Variants in SOCS4 observed in about 807,000 individuals in gnomAD.
SOCS4 encodes the protein suppressor of cytokine signaling 4.
SOCS4 carries 20 observed loss-of-function variants against 34.1 expected under a neutral mutation model. The ratio of observed to expected loss-of-function variants is 0.59; its 90% CI spans 0.41 to 0.85. SOCS4 has a LOEUF of 0.85. Ranked by LOEUF, SOCS4 falls within the 40% of genes least tolerant of loss-of-function variation. The pLI, the probability that SOCS4 is intolerant of heterozygous loss-of-function variation, is 0.00. For synonymous variants in SOCS4, 180 were observed against 186.4 expected (o/e 0.97, Z 0.28); for missense variants, 479 against 532.4 (o/e 0.90, Z 0.99).
rs755343929 is a variant in SOCS4 at position 55,048,381 on chromosome 14, T to C, written c.*4017T>C. The C allele has an allele frequency of 6.0e-6, 1 of 167,040 alleles. No homozygotes were observed. The highest frequency in any genetic ancestry group is 1.5e-5 in the Non-Finnish European group (1 of 68,126). 10.3% of individuals were successfully genotyped at this position (167,040 alleles called of 1,614,324 possible). A position where few individuals can be genotyped will look rare whatever the true frequency, so the allele number is the denominator to read the frequency against. On this transcript the variant is annotated 3_prime_UTR_variant, in exon 3 of 3. Transcript: ENST00000555846. ...CCTGGAGACAACACAAGGAAAACAA[T>C]GTTTAAAAGCAAAATAGCCTGTGTA... is the stretch of plus-strand genomic sequence containing the variant.
At chr14:55,031,619 T>A (rs1376838562) in intron 1 of SOCS4, among the ~76,000 whole-genome samples, 2 of 152,012 alleles carry the variant, frequency 1.3e-5, no homozygotes, top group Non-Finnish European at 1.5e-5. Context: ...TAGGAAAGCA[T>A]GGAAAAAGTG....
At chr14:55,035,112 C>T (rs952830556) in intron 2 of SOCS4, among the ~76,000 whole-genome samples, 16 of 152,272 alleles carry the variant, frequency 1.1e-4, no homozygotes, top group Admixed American at 4.6e-4. Flanking sequence ...CCACCCACCT[C>T]GGCCTCCCAA....
chr14:55,038,968 G>C (rs2042595433), intron 2 of SOCS4, among the ~76,000 whole-genome samples: 1 of 152,156 alleles, frequency 6.6e-6, no homozygotes. Flanking sequence ...ATAGATATCT[G>C]TTCATTTCAT....
chr14:55,049,316 ACT>A lies in SOCS4; in HGVS notation c.*4956_*4957del, dbSNP rs2042704790. On this transcript the variant is annotated 3_prime_UTR_variant, in exon 3 of 3. Coordinates refer to ENST00000555846, the MANE Select transcript of SOCS4 (RefSeq NM_199421.2). ...AATATACAGTTTTCACAAAGCTATT[ACT>A]CTCATCAGTCAGGCTTGTATGATCT... 1 of 167,010 alleles carries A rather than the reference ACT, an allele frequency of 6.0e-6. No homozygotes were observed. The highest frequency in any genetic ancestry group is 1.5e-5 in the Non-Finnish European group (1 of 68,106). 10.3% of individuals were successfully genotyped at this position (167,010 alleles called of 1,614,324 possible).
chr14:55,043,849 T>C lies in SOCS4; in HGVS notation c.808T>C (p.Tyr270His). The C allele has an allele frequency of 6.2e-7, 1 of 1,614,186 alleles. No homozygotes were observed. The highest frequency in any genetic ancestry group is 8.5e-7 in the Non-Finnish European group (1 of 1,180,020). Residue 270 changes from tyrosine to histidine, a missense_variant, in exon 3 of 3, where the codon TAT becomes CAT. Coordinates refer to ENST00000555846, the MANE Select transcript of SOCS4 (RefSeq NM_199421.2). ...TPPKYHTQID[Y>H]VHCLVPDLLQ... ...TCCTAAATACCACACGCAGATTGAT[T>C]ATGTCCACTGTCTTGTACCAGACCT...
In SOCS4 at chr14:55,046,411, T is replaced by C. The variant is rs2042676776; in HGVS notation, c.*2047T>C. ...AAATATTTTTCTTTTAAAAATAACTTTTTATCAGTACAGAAAAACCTAAGG... is the reference window on the plus strand; with the variant it reads ...AAATATTTTTCTTTTAAAAATAACTCTTTATCAGTACAGAAAAACCTAAGG... On this transcript the variant is annotated 3_prime_UTR_variant, in exon 3 of 3. Coordinates refer to ENST00000555846, the MANE Select transcript of SOCS4 (RefSeq NM_199421.2). 6.0e-6 allele frequency: 1 copy of C among 166,964 alleles called. No individual in the cohort carries two copies. Among genetic ancestry groups the C allele is most frequent in the Non-Finnish European group, 1.5e-5 (1 of 68,024 alleles). The allele number at this position is 166,964 out of a possible 1,614,324, so 10.3% of individuals were successfully genotyped here.
intron 2 of SOCS4, among the ~76,000 whole-genome samples, chr14:55,037,071 C>T (rs1594611747): frequency 1.3e-5 from 2 of 151,838 alleles, no homozygotes; most frequent in African/African-American, 2.4e-5. Flanking sequence ...GAGCTGAGAT[C>T]AGTGCCACTG....
chr14:55,028,153 A>G (rs758194323), intron 1 of SOCS4, among the ~76,000 whole-genome samples: 7 of 151,840 alleles, frequency 4.6e-5, no homozygotes, highest in Non-Finnish European at 7.4e-5. Flanking sequence ...AGGTTTCCCT[A>G]TTGTTTTTTT....
chr14:55,040,470 C>T (rs897484222), intron 2 of SOCS4, among the ~76,000 whole-genome samples: 4 of 152,180 alleles, frequency 2.6e-5, no homozygotes, highest in Non-Finnish European at 5.9e-5. Context: ...ATAGGCCGGG[C>T]GCACTGGCTC....
rs1250058997 is a variant in SOCS4, at chr14:55,044,214, T to C, written c.1173T>C (p.His391=). The C allele has an allele frequency of 6.2e-7, 1 of 1,613,908 alleles. No individual in the cohort carries two copies. Among genetic ancestry groups the C allele is most frequent in the African/African-American group, 1.3e-5 (1 of 74,914 alleles). Residue 391 remains histidine, a synonymous_variant, in exon 3 of 3, where the codon CAT becomes CAC. Transcript: ENST00000555846. ...LIRTFPFSLQ[H]ICRTVICNCT... ...GGACTTTCCCTTTTTCCCTGCAGCA[T>C]ATATGCAGAACAGTTATTTGTAACT...
At chr14:55,027,750 T>C (rs2042480366) in intron 1 of SOCS4, 1 of 152,282 alleles carries the variant, frequency 6.6e-6, no homozygotes, top group South Asian at 2.1e-4. Flanking sequence ...GTTCTCTTGG[T>C]ACCTGAAGGT....
rs1037820494 is a variant in SOCS4, at chr14:55,045,975, T to G, written c.*1611T>G. On this transcript the variant is annotated 3_prime_UTR_variant, in exon 3 of 3. Transcript: ENST00000555846. ...TTTCCATAATAGCTTTAAAATAATT[T>G]TTTAGTAATTATTACAAAATTAAGG... is the stretch of plus-strand genomic sequence containing the variant. The G allele has an allele frequency of 6.0e-6, 1 of 166,916 alleles. No individual in the cohort carries two copies. Among genetic ancestry groups the G allele is most frequent in the Admixed American group, 6.5e-5 (1 of 15,272 alleles). 10.3% of individuals were successfully genotyped at this position (166,916 alleles called of 1,614,324 possible).
At chr14:55,036,461 A>G (rs1438873465) in intron 2 of SOCS4, among the ~76,000 whole-genome samples, 2 of 151,376 alleles carry the variant, frequency 1.3e-5, no homozygotes, top group East Asian at 3.9e-4. Context: ...CTCCTGCCTC[A>G]GCCCCCCGAG....
chr14:55,041,459 C>T (rs938979887), intron 2 of SOCS4, among the ~76,000 whole-genome samples: 11 of 151,810 alleles, frequency 7.2e-5, no homozygotes, highest in African/African-American at 2.7e-4. Context: ...GGACCCCTTC[C>T]CCAAGTTCCT....
rs35998700 is a variant in SOCS4 at position 55,041,783 on chromosome 14, C to CTTTTTTTTTTTTTTTTTTTTTTTTT, written c.-90-1167_-90-1143dup. Among the ~76,000 whole-genome samples the CTTTTTTTTTTTTTTTTTTTTTTTTT allele has an allele frequency of 1.1e-3, 45 of 40,080 alleles. 6 individuals carry two copies. Among genetic ancestry groups the CTTTTTTTTTTTTTTTTTTTTTTTTT allele is most frequent in the Non-Finnish European group, 1.8e-3 (37 of 21,040 alleles). The allele number at this position is 40,080 out of a possible 152,430, so 26.3% of individuals were successfully genotyped here. On this transcript the variant is annotated intron_variant, in intron 2 of 2. Coordinates refer to ENST00000555846, the MANE Select transcript of SOCS4 (RefSeq NM_199421.2). ...CCACCGTGCCCAGCCAACCCTTAAT[C>CTTTTTTTTTTTTTTTTTTTTTTTTT]TTTTTTTTTTTTTTTTTTTTTTTTT... is the stretch of plus-strand genomic sequence containing the variant.
Position 55,044,331 on chromosome 14 carries a change from A to T in SOCS4, c.1290A>T (p.Val430=), listed in dbSNP as rs1399289353. ...ATCATTATAAATCAAAAGTTAGAGT[A>T]CTCAGGATTGATGCACCAGAACAGC... ...KEYHYKSKVR[V]LRIDAPEQQC The change falls in exon 3 of 3, where the codon GTA becomes GTT. Residue 430 remains valine, a synonymous_variant. Coordinates refer to ENST00000555846, the MANE Select transcript of SOCS4 (RefSeq NM_199421.2). The T allele has an allele frequency of 6.2e-7, 1 of 1,612,422 alleles. No homozygotes were observed. The highest frequency in any genetic ancestry group is 8.5e-7 in the Non-Finnish European group (1 of 1,178,980).
chr14:55,028,990 G>C (rs752948789), intron 1 of SOCS4, among the ~76,000 whole-genome samples: 4 of 152,102 alleles, frequency 2.6e-5, no homozygotes, highest in Non-Finnish European at 5.9e-5. Flanking sequence ...CTTTGGGTGG[G>C]TATTTAGTGT....
Position 55,043,362 on chromosome 14 carries a change from T to C in SOCS4, c.321T>C (p.Asn107=). The C allele has an allele frequency of 1.2e-6, 2 of 1,614,222 alleles. No individual in the cohort carries two copies. The highest frequency in any genetic ancestry group is 1.7e-6 in the Non-Finnish European group (2 of 1,180,032). ...DAVGQCFPIK[N]CSSRHSSGLP... ...TGGGGCAGTGTTTTCCAATAAAGAATTGTAGTAGTCGGCACTCTTCAGGGC... is the reference window on the plus strand; with the variant it reads ...TGGGGCAGTGTTTTCCAATAAAGAACTGTAGTAGTCGGCACTCTTCAGGGC... Residue 107 remains asparagine, a synonymous_variant, in exon 3 of 3, where the codon AAT becomes AAC. Coordinates refer to ENST00000555846, the MANE Select transcript of SOCS4 (RefSeq NM_199421.2).
At chr14:55,042,812 A>G in intron 2 of SOCS4, 140 bp from the exon 3 acceptor site, 1 of 430,242 alleles carries the variant, frequency 2.3e-6, no homozygotes, top group South Asian at 3.5e-5. Flanking sequence ...AGTGGGAACA[A>G]AGTGTCTTGG....
Sources: gnomAD v4.1 joint callset for allele counts (sites outside exome capture counted in the v4.1 genomes callset) on GRCh38, gnomAD v4.1.1 for gene constraint, MANE v1.5 for transcripts, NCBI Gene and HGNC (gene_info 2026-07-23, HGNC 2026-07-21) for gene names.